Variants in ARB2A observed in about 807,000 individuals in gnomAD.
ARB2A encodes cotranscriptional regulator ARB2A.
At chr5:94,030,121 G>C in the ARB2A span, among the ~76,000 whole-genome samples, 1 of 152,146 alleles carries the variant, frequency 6.6e-6, no homozygotes, top group African/African-American at 2.4e-5. Context: ...ATGACACATG[G>C]GAATAACGGG....
the ARB2A span, among the ~76,000 whole-genome samples, chr5:93,968,301 G>T: frequency 6.6e-6 from 1 of 152,076 alleles, no homozygotes; most frequent in Non-Finnish European, 1.5e-5. Context: ...ACTATAATAT[G>T]TTAAGGCTTT....
At chr5:93,716,141 G>A in the ARB2A span, among the ~76,000 whole-genome samples, 4 of 152,148 alleles carry the variant, frequency 2.6e-5, no homozygotes, top group African/African-American at 4.8e-5. Context: ...GTGAAGAGAA[G>A]AGCAAACTAG....
the ARB2A span, among the ~76,000 whole-genome samples, chr5:93,650,061 AC>A: frequency 6.6e-6 from 1 of 152,266 alleles, no homozygotes. Context: ...TTACTGTTCT[AC>A]CTATGTTTGT....
chr5:93,992,983 G>A, the ARB2A span, among the ~76,000 whole-genome samples: 2 of 151,794 alleles, frequency 1.3e-5, no homozygotes, highest in South Asian at 4.2e-4. Context: ...ATCTATACAA[G>A]AAACAAAAAC....
chr5:93,790,630 C>G, the ARB2A span, among the ~76,000 whole-genome samples: 2 of 152,150 alleles, frequency 1.3e-5, no homozygotes, highest in African/African-American at 4.8e-5. Context: ...TTCCTCCCAC[C>G]AGTGAACCCT....
the ARB2A span, among the ~76,000 whole-genome samples, chr5:93,945,262 A>T: frequency 6.6e-6 from 1 of 152,130 alleles, no homozygotes; most frequent in Non-Finnish European, 1.5e-5. Context: ...GGCCACACAA[A>T]AATTAGCCAG....
the ARB2A span, among the ~76,000 whole-genome samples, chr5:93,963,448 A>C: frequency 6.6e-6 from 1 of 152,018 alleles, no homozygotes; most frequent in South Asian, 2.1e-4. Flanking sequence ...ATGTTGAATA[A>C]ATGAATAATG....
At chr5:94,013,240 G>T in the ARB2A span, among the ~76,000 whole-genome samples, 1 of 145,988 alleles carries the variant, frequency 6.8e-6, no homozygotes, top group Non-Finnish European at 1.5e-5. Context: ...ATGCAGTGGC[G>T]CAATCTCAGC....
chr5:93,718,160 G>A, the ARB2A span, among the ~76,000 whole-genome samples: 172 of 152,064 alleles, frequency 1.1e-3, no homozygotes, highest in African/African-American at 2.0e-3. Context: ...AGTATGACTC[G>A]GCTGGGCGCG....
At chr5:93,882,321 A>G in the ARB2A span, among the ~76,000 whole-genome samples, 1 of 151,398 alleles carries the variant, frequency 6.6e-6, no homozygotes, top group Non-Finnish European at 1.5e-5. Flanking sequence ...ATGTAGCAAA[A>G]TAAGCCACTG....
At chr5:93,825,902 A>G in the ARB2A span, among the ~76,000 whole-genome samples, 1 of 151,710 alleles carries the variant, frequency 6.6e-6, no homozygotes, top group Non-Finnish European at 1.5e-5. Flanking sequence ...GGAAAAATGA[A>G]TAATAAATAT....
chr5:93,949,331 G>A, the ARB2A span, among the ~76,000 whole-genome samples: 1 of 151,888 alleles, frequency 6.6e-6, no homozygotes, highest in African/African-American at 2.4e-5. Flanking sequence ...GGGAGGCCGA[G>A]ACGGGCAGAT....
chr5:94,021,187 A>G, the ARB2A span, among the ~76,000 whole-genome samples: 3 of 152,248 alleles, frequency 2.0e-5, no homozygotes, highest in Non-Finnish European at 4.4e-5. Flanking sequence ...CAAGGAAGGC[A>G]GTACTGAGAA....
the ARB2A span, among the ~76,000 whole-genome samples, chr5:93,663,387 AG>A: frequency 1.3e-5 from 2 of 152,220 alleles, no homozygotes; most frequent in Non-Finnish European, 2.9e-5. Context: ...GAAAGCTAAA[AG>A]TTTCCTCCTG....
the ARB2A span, among the ~76,000 whole-genome samples, chr5:93,814,644 C>T: frequency 2.6e-5 from 4 of 152,090 alleles, no homozygotes; most frequent in Non-Finnish European, 5.9e-5. Context: ...CTATATTATT[C>T]TCTTTGTTTA....
At chr5:93,685,044 T>C in the ARB2A span, among the ~76,000 whole-genome samples, 2 of 152,166 alleles carry the variant, frequency 1.3e-5, no homozygotes, top group Non-Finnish European at 2.9e-5. Context: ...AAGTGCCTCA[T>C]TGTGAGCAGA....
the ARB2A span, among the ~76,000 whole-genome samples, chr5:93,731,153 T>A: frequency 2.0e-5 from 3 of 152,116 alleles, no homozygotes; most frequent in African/African-American, 7.2e-5. Flanking sequence ...ATTGGGTGAA[T>A]TGTGTCCCCC....
chr5:93,867,627 A>G, the ARB2A span, among the ~76,000 whole-genome samples: 1 of 152,082 alleles, frequency 6.6e-6, no homozygotes, highest in African/African-American at 2.4e-5. Flanking sequence ...CATGTTGGTC[A>G]GGATGGACTC....
chr5:93,956,920 T>C, the ARB2A span, among the ~76,000 whole-genome samples: 1 of 152,162 alleles, frequency 6.6e-6, no homozygotes, highest in African/African-American at 2.4e-5. Flanking sequence ...TCATATTCAT[T>C]TTTTTAAGAA....
Sources: gnomAD v4.1 joint callset for allele counts (sites outside exome capture counted in the v4.1 genomes callset) on GRCh38, gnomAD v4.1.1 for gene constraint, MANE v1.5 for transcripts, NCBI Gene and HGNC (gene_info 2026-07-23, HGNC 2026-07-21) for gene names.